Variants in TIAM1 observed in about 807,000 individuals in gnomAD.
TIAM1 encodes the protein TIAM Rac1 associated GEF 1.
A neutral mutation model predicts 163.5 loss-of-function variants in TIAM1; 65 were observed. That is an observed-to-expected ratio of 0.40 (90% confidence interval 0.33 to 0.49). The LOEUF (loss-of-function observed/expected upper bound fraction) is 0.49, where lower values mean the gene tolerates loss of function less well. Ranked by LOEUF, TIAM1 falls within the 20% of genes least tolerant of loss-of-function variation. The pLI, the probability that TIAM1 is intolerant of heterozygous loss-of-function variation, is 0.77. For synonymous variants in TIAM1, 833 were observed against 810.1 expected, an observed-to-expected ratio of 1.03 and a Z score of -0.48; for missense variants, 1,789 against 2,044.7, an observed-to-expected ratio of 0.87 and a Z score of 2.41.
intron 2 of TIAM1, among the ~76,000 whole-genome samples, chr21:31,430,489 C>G (rs2147278054): frequency 6.6e-6 from 1 of 152,006 alleles, no homozygotes; most frequent in Non-Finnish European, 1.5e-5. Flanking sequence ...ATGGGAAAAA[C>G]ATCAAGCTAG....
chr21:31,427,605 C>T (rs1024449941), intron 2 of TIAM1, among the ~76,000 whole-genome samples: 1 of 151,756 alleles, frequency 6.6e-6, no homozygotes, highest in Non-Finnish European at 1.5e-5. Context: ...TTTAGGAGGC[C>T]GAGGTCAGGA....
At chr21:31,291,134 G>A (rs537783533) in intron 2 of TIAM1, among the ~76,000 whole-genome samples, 2 of 152,232 alleles carry the variant, frequency 1.3e-5, no homozygotes, top group South Asian at 4.1e-4. Context: ...CCAAGATGCA[G>A]TAAACAAAAA....
Position 31,469,176 on chromosome 21 carries a change from G to A in TIAM1, c.-421-5141C>T, listed in dbSNP as rs75066236. Among the ~76,000 whole-genome samples, 129 of 145,122 alleles carry A rather than the reference G, an allele frequency of 8.9e-4. 3 individuals carry two copies. In the East Asian group the frequency reaches 0.025, roughly 28 times the overall value. ...TAGTTCACTGCAGCCTTGAACTCCC[G>A]TGCTGAGCTTACATGATCTTGCCCC... is the stretch of plus-strand genomic sequence containing the variant. On this transcript the variant is annotated intron_variant, in intron 1 of 28. Transcript: ENST00000286827.
At chr21:31,204,838 T>A (rs1024351648) in intron 11 of TIAM1, among the ~76,000 whole-genome samples, 1 of 152,220 alleles carries the variant, frequency 6.6e-6, no homozygotes, top group East Asian at 1.9e-4. Context: ...AGCAGAAGGA[T>A]AAAGTTTTCT....
chr21:31,469,938 G>A (rs1213054972), intron 1 of TIAM1, among the ~76,000 whole-genome samples: 2 of 152,034 alleles, frequency 1.3e-5, no homozygotes, highest in Non-Finnish European at 2.9e-5. Flanking sequence ...GCATGGGTAG[G>A]GGCAGGTGTG....
chr21:31,164,037 T>C (rs1355316885), intron 16 of TIAM1, among the ~76,000 whole-genome samples: 2 of 152,120 alleles, frequency 1.3e-5, no homozygotes, highest in African/African-American at 4.8e-5. Flanking sequence ...TTGAAGACTG[T>C]GGTAAAAGAG....
Position 31,251,791 on chromosome 21 carries a change from C to T in TIAM1, c.1362G>A (p.Val454=). The T allele has an allele frequency of 6.2e-7, 1 of 1,609,646 alleles. No homozygotes were observed. Among genetic ancestry groups the T allele is most frequent in the Non-Finnish European group, 8.5e-7 (1 of 1,176,658 alleles). The change falls in exon 5 of 28, where the codon GTG becomes GTA. Residue 454 remains valine (V), a synonymous_variant. Transcript: ENST00000541036. ...TCCACTTCCTCCGGGTGGCTGACTC[C>T]ACCTTCTTGTTCTTCTTGTGCACCA... ...NFLVHKKNKK[V]ESATRRKWKH...
intron 23 of TIAM1, among the ~76,000 whole-genome samples, chr21:31,131,912 A>G (rs905366219): frequency 6.6e-6 from 1 of 152,224 alleles, no homozygotes; most frequent in Admixed American, 6.5e-5. Flanking sequence ...GCTAGGAAGT[A>G]GGAGAAAGCA....
At chr21:31,339,625 T>A (rs1205846899) in intron 1 of TIAM1, among the ~76,000 whole-genome samples, 2 of 152,204 alleles carry the variant, frequency 1.3e-5, no homozygotes, top group Admixed American at 1.3e-4. Flanking sequence ...GGCTTAGTTA[T>A]CTATAGCTTT....
chr21:31,463,453 A>G (rs62221260), intron 2 of TIAM1, among the ~76,000 whole-genome samples: 42,318 of 151,888 alleles, frequency 0.28, 5,970 homozygotes, highest in South Asian at 0.35. Flanking sequence ...CACCCTCATC[A>G]CTGTCACCTC....
At chr21:31,407,237 G>A (rs1316308530) in intron 2 of TIAM1, among the ~76,000 whole-genome samples, 1 of 152,036 alleles carries the variant, frequency 6.6e-6, no homozygotes, top group Non-Finnish European at 1.5e-5. Flanking sequence ...AGCCAAAATT[G>A]TAAACGCTGC....
At chr21:31,303,648 T>C (rs1252652569) in intron 2 of TIAM1, among the ~76,000 whole-genome samples, 1 of 151,804 alleles carries the variant, frequency 6.6e-6, no homozygotes, top group Non-Finnish European at 1.5e-5. Context: ...ACTAGACCTT[T>C]AAAAAAACAC....
At chr21:31,276,213 G>A (rs1171245065) in intron 3 of TIAM1, among the ~76,000 whole-genome samples, 2 of 152,072 alleles carry the variant, frequency 1.3e-5, no homozygotes, top group Non-Finnish European at 2.9e-5. Flanking sequence ...TCGCTAAATC[G>A]TTACAACCCA....
intron 4 of TIAM1, among the ~76,000 whole-genome samples, chr21:31,252,452 G>A (rs1380979189): frequency 6.6e-6 from 1 of 152,052 alleles, no homozygotes; most frequent in Non-Finnish European, 1.5e-5. Context: ...AAGAAATAAG[G>A]AGCACTTCAA....
At chr21:31,524,677 G>A (rs2047720684) in intron 1 of TIAM1, among the ~76,000 whole-genome samples, 1 of 152,216 alleles carries the variant, frequency 6.6e-6, no homozygotes, top group Non-Finnish European at 1.5e-5. Flanking sequence ...AAGCAAAAGA[G>A]CTGAAGTGTA....
At chr21:31,269,711 G>A (rs1174866068) in intron 3 of TIAM1, among the ~76,000 whole-genome samples, 7 of 140,142 alleles carry the variant, frequency 5.0e-5, no homozygotes, top group Non-Finnish European at 7.5e-5. Context: ...TTGCTCTGTC[G>A]CCCCGGCTGG....
intron 1 of TIAM1, among the ~76,000 whole-genome samples, chr21:31,494,500 A>T (rs1171928797): frequency 6.6e-6 from 1 of 152,212 alleles, no homozygotes; most frequent in Non-Finnish European, 1.5e-5. Context: ...ATGAAAAAGT[A>T]AGATGCTTTC....
intron 4 of TIAM1, among the ~76,000 whole-genome samples, chr21:31,255,633 C>A (rs2072055998): frequency 6.6e-6 from 1 of 152,190 alleles, no homozygotes. Flanking sequence ...AGGGGAGCCT[C>A]AGCAGTTTTT....
intron 2 of TIAM1, among the ~76,000 whole-genome samples, chr21:31,359,845 G>GAAGA (rs1304426267): frequency 2.2e-5 from 3 of 136,506 alleles, no homozygotes; most frequent in Non-Finnish European, 4.6e-5. Flanking sequence ...AGGAAGGAAG[G>GAAGA]AAGGAAGGAA....
Sources: gnomAD v4.1 joint callset for allele counts (sites outside exome capture counted in the v4.1 genomes callset) on GRCh38, gnomAD v4.1.1 for gene constraint, MANE v1.5 for transcripts, NCBI Gene and HGNC (gene_info 2026-07-23, HGNC 2026-07-21) for gene names.